CCDC88A: variants seen among roughly 807,000 people sequenced by gnomAD.
The protein encoded by CCDC88A is coiled-coil and HOOK domain protein 88A, also known as girdin.
Under a neutral mutation model 234.3 loss-of-function variants are expected in CCDC88A, and 54 were observed. The ratio of observed to expected loss-of-function variants is 0.23; its 90% confidence interval spans 0.19 to 0.29. The LOEUF (loss-of-function observed/expected upper bound fraction) is 0.29, where lower values mean the gene tolerates loss of function less well. Ranked by LOEUF, CCDC88A falls within the 10% of genes least tolerant of loss-of-function variation. The probability of loss-of-function intolerance (pLI) is 1.00; values close to 1 mark genes in which losing one functional copy is unlikely to be tolerated. For synonymous variants in CCDC88A, 753 were observed against 737.8 expected, an observed-to-expected ratio of 1.02 and a Z score of -0.33; for missense variants, 1,832 against 2,123.4, an observed-to-expected ratio of 0.86 and a Z score of 2.70.
chr2:55,317,447 A>G lies in CCDC88A; in HGVS notation c.3603-98T>C. 8.7e-7 allele frequency: 1 copy of G among 1,154,050 alleles called. No homozygotes were observed. The highest frequency in any genetic ancestry group is 2.6e-5 in the Admixed American group (1 of 37,758). 71.5% of individuals were successfully genotyped at this position (1,154,050 alleles called of 1,614,324 possible). On this transcript the variant is annotated intron_variant, in intron 20 of 32. Coordinates refer to ENST00000436346, the MANE Select transcript of CCDC88A (RefSeq NM_001365480.1). This position sits in a 1 kb window ranked among gnomAD's most constrained non-coding sequence, Gnocchi z 4.2. ...TGAGTATCATTTAAAACACATGTAA[A>G]TTTATATAAATTTCTTATGTAAACT...
At chr2:55,296,121 A>C (rs1679996677) in intron 30 of CCDC88A, 65 bp from the exon 31 acceptor site, 1 of 1,373,922 alleles carries the variant, frequency 7.3e-7, no homozygotes, top group Non-Finnish European at 9.9e-7. Context: ...TTCCTGATTT[A>C]GCAGACTGTG....
Position 55,291,744 on chromosome 2 carries a change from T to A in CCDC88A, c.5583A>T (p.Ser1861=), listed in dbSNP as rs375482415. The change falls in exon 32 of 33, where the codon TCA becomes TCT. Residue 1861 remains serine, a synonymous_variant. Transcript: ENST00000436346. ...NVDKVQESRN[S]KSRSREQQSS ...TTTGTTGCTCCCTAGACCTGCTTTT[T>A]GAATTTCTGCTTTCTTGTACTTTGT... is the stretch of plus-strand genomic sequence containing the variant. 1.5e-5 allele frequency: 24 copies of A among 1,612,700 alleles called. No homozygotes were observed. In the African/African-American group the frequency reaches 3.2e-4, roughly 22 times the overall value.
chr2:55,380,061 TAAAAAAAA>T (rs57314271), intron 3 of CCDC88A, among the ~76,000 whole-genome samples: 13 of 75,390 alleles, frequency 1.7e-4, no homozygotes, highest in East Asian at 3.6e-4. Context: ...CTGTCTCTAC[TAAAAAAAA>T]AAAAAAAAAA....
intron 2 of CCDC88A, among the ~76,000 whole-genome samples, chr2:55,392,904 C>A (rs545389497): frequency 2.0e-5 from 3 of 152,276 alleles, no homozygotes; most frequent in Admixed American, 2.0e-4. Context: ...CCTTGTTTTA[C>A]TATAGCTTAT....
chr2:55,301,789 T>C, intron 27 of CCDC88A, 83 bp downstream of exon 27: 1 of 1,206,752 alleles, frequency 8.3e-7, no homozygotes, highest in Non-Finnish European at 1.2e-6. Flanking sequence ...TTGCTGCTTT[T>C]TAAAAAGTAC....
chr2:55,371,105 G>C (rs1040697483), intron 5 of CCDC88A, among the ~76,000 whole-genome samples: 1 of 152,090 alleles, frequency 6.6e-6, no homozygotes, highest in Non-Finnish European at 1.5e-5. Context: ...CCATATTTAT[G>C]CTATTGCTAT....
intron 3 of CCDC88A, among the ~76,000 whole-genome samples, chr2:55,385,467 G>T (rs1160952128): frequency 6.6e-6 from 1 of 152,130 alleles, no homozygotes; most frequent in Non-Finnish European, 1.5e-5. Flanking sequence ...AATAGAGTAA[G>T]AAAGTCTAAC....
chr2:55,324,193 G>C (rs1428884017), intron 17 of CCDC88A: 1 of 152,132 alleles, frequency 6.6e-6, no homozygotes, highest in East Asian at 1.9e-4. Context: ...TGTAAATTAT[G>C]TTATGAATTC....
intron 5 of CCDC88A, among the ~76,000 whole-genome samples, chr2:55,370,363 C>T (rs139758470): frequency 2.1e-4 from 32 of 152,108 alleles, no homozygotes; most frequent in East Asian, 7.7e-4. Context: ...AAAATTAGGC[C>T]GGGCATGATG....
At chr2:55,412,739 C>G (rs1179325990) in intron 2 of CCDC88A, among the ~76,000 whole-genome samples, 1 of 152,136 alleles carries the variant, frequency 6.6e-6, no homozygotes, top group Non-Finnish European at 1.5e-5. Context: ...ATAAATAAAA[C>G]AATAAAGAGC....
intron 7 of CCDC88A, among the ~76,000 whole-genome samples, chr2:55,360,975 G>C (rs1460075336): frequency 1.3e-5 from 2 of 152,134 alleles, no homozygotes; most frequent in African/African-American, 4.8e-5. Flanking sequence ...TGTAATCCCA[G>C]CTACTTGGGA....
At position 55,295,949 on chromosome 2, in the gene CCDC88A, C is replaced by T. The variant is rs537426993; in HGVS notation, c.5199G>A (p.Arg1733=). Residue 1733 remains arginine, a synonymous_variant, in exon 31 of 33, where the codon AGG becomes AGA. Transcript: ENST00000436346. ...CCCCTGGGGTTTTTCCACTTACTGA[C>T]CTGGCCAGACCACAGCTAACTGGTT... is the stretch of plus-strand genomic sequence containing the variant. ...KDKPVSCGLA[R]SVSGKTPGDF... 7.4e-6 allele frequency: 12 copies of T among 1,613,988 alleles called. No homozygotes were observed. Among genetic ancestry groups the T allele is most frequent in the Non-Finnish European group, 1.0e-5 (12 of 1,180,020 alleles).
intron 25 of CCDC88A, among the ~76,000 whole-genome samples, chr2:55,307,516 C>T (rs975500394): frequency 4.0e-5 from 6 of 151,492 alleles, no homozygotes; most frequent in African/African-American, 1.5e-4. Context: ...CCACAACGCC[C>T]GGCTAATTTT....
chr2:55,371,287 C>T (rs1325481344), intron 5 of CCDC88A, among the ~76,000 whole-genome samples: 1 of 152,102 alleles, frequency 6.6e-6, no homozygotes, highest in African/African-American at 2.4e-5. Flanking sequence ...CTGTACATTA[C>T]ACAGCATGAA....
chr2:55,314,293 T>C (rs1187511482), intron 22 of CCDC88A: 2 of 152,368 alleles, frequency 1.3e-5, no homozygotes, highest in East Asian at 1.9e-4. Context: ...TCAGACTCAT[T>C]AGGCAAAAAG....
chr2:55,413,980 A>G (rs1466119023), intron 2 of CCDC88A, among the ~76,000 whole-genome samples: 1 of 150,422 alleles, frequency 6.6e-6, no homozygotes, highest in Non-Finnish European at 1.5e-5. Context: ...AAAAAAAAAA[A>G]CAAGCAAACA....
At chr2:55,373,197 A>G (rs3791653) in intron 4 of CCDC88A, among the ~76,000 whole-genome samples, 84,507 of 152,078 alleles carry the variant, frequency 0.56, 24,862 homozygotes, top group Admixed American at 0.65. Context: ...CTGTCTATGA[A>G]AAAGTCCAAA....
chr2:55,355,777 C>G, intron 7 of CCDC88A, 26 bp from the exon 8 acceptor site: 1 of 1,575,314 alleles, frequency 6.3e-7, no homozygotes, highest in South Asian at 1.1e-5. Flanking sequence ...GAATCACTTT[C>G]AGTATTCTAC....
intron 10 of CCDC88A, 61 bp from the exon 11 acceptor site, chr2:55,344,575 C>G: frequency 1.0e-6 from 1 of 974,070 alleles, no homozygotes; most frequent in South Asian, 2.2e-5. Flanking sequence ...ATGGAACATA[C>G]AGATTATCAT....
Sources: allele counts gnomAD v4.1 joint callset (sites outside exome capture counted in the v4.1 genomes callset), GRCh38; gene constraint gnomAD v4.1.1; non-coding constraint Gnocchi (gnomAD v3.1); transcripts MANE v1.5; gene names NCBI Gene and HGNC (gene_info 2026-07-23, HGNC 2026-07-21).